The following SRGAP3 variants were observed in gnomAD, a reference collection of about 807,000 sequenced individuals.
SRGAP3 encodes SLIT-ROBO Rho GTPase activating protein 3.
A neutral mutation model predicts 121.1 loss-of-function variants in SRGAP3; 39 were observed. The ratio of observed to expected loss-of-function variants is 0.32; its 90% CI spans 0.25 to 0.42. SRGAP3 has a LOEUF of 0.42. Ranked by LOEUF, SRGAP3 falls within the 10% of genes least tolerant of loss-of-function variation. The pLI is 1.00. For synonymous variants in SRGAP3, 601 were observed against 570.0 expected (o/e 1.05, Z -0.77); for missense variants, 1,213 against 1,470.6 (o/e 0.82, Z 2.86).
At chr3:9,278,559 G>A (rs1380044729) in intron 3 of SRGAP3, among the ~76,000 whole-genome samples, 1 of 152,098 alleles carries the variant, frequency 6.6e-6, no homozygotes, top group African/African-American at 2.4e-5. Context: ...AATTTGTTGT[G>A]GTGGTGTATG....
At chr3:9,305,363 CTTTT>C (rs1210901472) in intron 3 of SRGAP3, among the ~76,000 whole-genome samples, 1 of 96,728 alleles carries the variant, frequency 1.0e-5, no homozygotes, top group Non-Finnish European at 2.2e-5. Context: ...GAGGTCCTCT[CTTTT>C]TTTTTTTTTT....
chr3:9,118,221 T>C (rs1482629528), intron 2 of SRGAP3, among the ~76,000 whole-genome samples: 2 of 152,176 alleles, frequency 1.3e-5, no homozygotes, highest in African/African-American at 2.4e-5. Flanking sequence ...GCTTAATTAT[T>C]ACAAAAATCA....
At chr3:8,997,080 T>C (rs1280883818) in intron 18 of SRGAP3, among the ~76,000 whole-genome samples, 1 of 152,196 alleles carries the variant, frequency 6.6e-6, no homozygotes, top group Non-Finnish European at 1.5e-5. Context: ...GCAGACGTCG[T>C]TACATAAGTG....
intron 3 of SRGAP3, among the ~76,000 whole-genome samples, chr3:9,091,377 TCAACAA>T (rs559137871): frequency 2.2e-4 from 34 of 151,852 alleles, no homozygotes; most frequent in African/African-American, 8.0e-4. Context: ...CAAATACAAC[TCAACAA>T]CAACAACAAC....
At chr3:9,096,980 TACAC>T (rs60792299) in intron 3 of SRGAP3, among the ~76,000 whole-genome samples, 42 of 70,934 alleles carry the variant, frequency 5.9e-4, no homozygotes, top group Middle Eastern at 7.9e-3. Flanking sequence ...TATATATATA[TACAC>T]ATACACACAC....
At chr3:9,245,832 G>A (rs1953798757) in intron 1 of SRGAP3, among the ~76,000 whole-genome samples, 1 of 152,094 alleles carries the variant, frequency 6.6e-6, no homozygotes, top group South Asian at 2.1e-4. Context: ...GCTGAGGGAG[G>A]AGAATCTCTT....
chr3:9,332,093 G>A (rs747605979), intron 1 of SRGAP3, among the ~76,000 whole-genome samples: 16 of 151,292 alleles, frequency 1.1e-4, no homozygotes, highest in Non-Finnish European at 1.6e-4. Flanking sequence ...GTTATTCAAT[G>A]TGGTACAAGC....
chr3:9,127,828 G>T (rs1165116503), intron 1 of SRGAP3, among the ~76,000 whole-genome samples: 1 of 152,108 alleles, frequency 6.6e-6, no homozygotes, highest in Non-Finnish European at 1.5e-5. Context: ...TGAGGTGGGA[G>T]GATTGCTTTA....
intron 1 of SRGAP3, among the ~76,000 whole-genome samples, chr3:9,211,441 G>A (rs1480136655): frequency 6.6e-6 from 1 of 152,202 alleles, no homozygotes; most frequent in African/African-American, 2.4e-5. Flanking sequence ...AAGCTGGGGA[G>A]AAAGAGGGCC....
intron 18 of SRGAP3, among the ~76,000 whole-genome samples, chr3:9,006,044 G>A (rs1278728858): frequency 6.6e-6 from 1 of 152,152 alleles, no homozygotes; most frequent in African/African-American, 2.4e-5. Flanking sequence ...TAGGGATTAG[G>A]AGCATACACC....
chr3:9,327,223 A>G (rs1013434926), intron 2 of SRGAP3, among the ~76,000 whole-genome samples: 2 of 151,862 alleles, frequency 1.3e-5, no homozygotes, highest in African/African-American at 2.4e-5. Flanking sequence ...GAGTAGAACA[A>G]TGTTCTAAGA....
At chr3:9,360,339 C>G (rs2030727776) in intron 1 of SRGAP3, among the ~76,000 whole-genome samples, 1 of 152,182 alleles carries the variant, frequency 6.6e-6, no homozygotes, top group Non-Finnish European at 1.5e-5. Flanking sequence ...CCACCATACG[C>G]AGAAAATAGT....
chr3:9,168,654 G>A (rs991377546), intron 1 of SRGAP3, among the ~76,000 whole-genome samples: 33 of 152,184 alleles, frequency 2.2e-4, no homozygotes, highest in Admixed American at 4.6e-4. Context: ...CCATCTTTTC[G>A]TACGTGCTTG....
intron 4 of SRGAP3, among the ~76,000 whole-genome samples, chr3:9,073,440 C>A (rs1433768982): frequency 1.3e-5 from 2 of 152,222 alleles, no homozygotes; most frequent in African/African-American, 2.4e-5. Context: ...CCAAGCCCAG[C>A]CCAGATAAGT....
intron 14 of SRGAP3, among the ~76,000 whole-genome samples, chr3:9,021,664 C>G (rs1943928489): frequency 6.6e-6 from 1 of 152,154 alleles, no homozygotes; most frequent in Admixed American, 6.5e-5. Flanking sequence ...CAGCCTTAAG[C>G]AAGGAACTCT....
chr3:9,091,740 G>T (rs924106982), intron 3 of SRGAP3, among the ~76,000 whole-genome samples: 8 of 152,218 alleles, frequency 5.3e-5, no homozygotes, highest in African/African-American at 1.7e-4. Flanking sequence ...CTCCATCCCG[G>T]CGCCAACCTC....
intron 1 of SRGAP3, among the ~76,000 whole-genome samples, chr3:9,127,140 AG>A (rs1410439377): frequency 6.6e-6 from 1 of 151,402 alleles, no homozygotes; most frequent in Non-Finnish European, 1.5e-5. Context: ...TGGGAAACAT[AG>A]GGAGACCTCG....
At chr3:9,344,678 T>C (rs947430961) in intron 1 of SRGAP3, among the ~76,000 whole-genome samples, 5 of 151,876 alleles carry the variant, frequency 3.3e-5, no homozygotes, top group Admixed American at 3.3e-4. Flanking sequence ...CAGGAGATTT[T>C]ATCCAATGGA....
intron 1 of SRGAP3, among the ~76,000 whole-genome samples, chr3:9,164,706 A>G (rs1488433014): frequency 6.6e-6 from 1 of 152,190 alleles, no homozygotes; most frequent in African/African-American, 2.4e-5. Flanking sequence ...GGTTGAACAC[A>G]TATCATCTTC....
Sources: allele counts gnomAD v4.1 joint callset (sites outside exome capture counted in the v4.1 genomes callset), GRCh38; gene constraint gnomAD v4.1.1; transcripts MANE v1.5; gene names NCBI Gene and HGNC (gene_info 2026-07-23, HGNC 2026-07-21).